PTPRM: variants seen among roughly 807,000 people sequenced by gnomAD.
The protein encoded by PTPRM is receptor-type tyrosine-protein phosphatase mu.
PTPRM carries 47 observed loss-of-function variants against 186.7 expected under a neutral mutation model. That is an observed-to-expected ratio of 0.25 (90% CI 0.20 to 0.32). PTPRM has a LOEUF of 0.32. Ranked by LOEUF, PTPRM falls within the 10% of genes least tolerant of loss-of-function variation. PTPRM has a pLI of 1.00. For synonymous variants in PTPRM, 668 were observed against 674.9 expected, an observed-to-expected ratio of 0.99 and a Z score of 0.16; for missense variants, 1,494 against 1,865.0, an observed-to-expected ratio of 0.80 and a Z score of 3.66.
intron 11 of PTPRM, among the ~76,000 whole-genome samples, chr18:8,113,048 A>G (rs554193547): frequency 6.6e-6 from 1 of 152,346 alleles, no homozygotes; most frequent in East Asian, 1.9e-4. Context: ...TTAAAACTTT[A>G]CTTGTGTTGT....
At chr18:8,198,169 A>G (rs1033823427) in intron 14 of PTPRM, among the ~76,000 whole-genome samples, 12 of 152,186 alleles carry the variant, frequency 7.9e-5, no homozygotes, top group African/African-American at 2.9e-4. Context: ...GTTGTTAGAC[A>G]GGATCTTACT....
chr18:8,171,866 A>G (rs1380073135), intron 14 of PTPRM, among the ~76,000 whole-genome samples: 2 of 152,320 alleles, frequency 1.3e-5, no homozygotes, highest in Non-Finnish European at 2.9e-5. Flanking sequence ...CAGAACACTT[A>G]GGTTAGCCTA....
intron 1 of PTPRM, among the ~76,000 whole-genome samples, chr18:7,612,405 C>T (rs1454046679): frequency 6.6e-6 from 1 of 152,252 alleles, no homozygotes; most frequent in African/African-American, 2.4e-5. Context: ...AGTCTACGTT[C>T]TGGGCATTCC....
At chr18:8,155,168 T>G (rs2093094660) in intron 14 of PTPRM, 1 of 152,222 alleles carries the variant, frequency 6.6e-6, no homozygotes, top group African/African-American at 2.4e-5. Context: ...TTTGTATAAA[T>G]GAAAATACCT....
chr18:7,772,349 C>CTCTTTCTTTCTTTCTT lies in PTPRM; in HGVS notation c.74-1750_74-1735dup, dbSNP rs71935994. ...CGTTCTTTCTTTTCTTTCTTTCTTT[C>CTCTTTCTTTCTTTCTT]TCTTTCTTTCTTTCTTTCTTTCTTT... On this transcript the variant is annotated intron_variant, in intron 1 of 32. Coordinates refer to ENST00000580170, the MANE Select transcript of PTPRM (RefSeq NM_001105244.2). 2.4e-3 allele frequency among the ~76,000 whole-genome samples: 226 copies of CTCTTTCTTTCTTTCTT among 96,068 alleles called. 6 individuals are homozygous for CTCTTTCTTTCTTTCTT. The highest frequency in any genetic ancestry group is 6.1e-3 in the African/African-American group (132 of 21,494). 63.0% of individuals were successfully genotyped at this position (96,068 alleles called of 152,430 possible). A position where few individuals can be genotyped will look rare whatever the true frequency, so the allele number is the denominator to read the frequency against.
intron 22 of PTPRM, among the ~76,000 whole-genome samples, chr18:8,335,646 A>C (rs1420273361): frequency 1.3e-5 from 2 of 152,222 alleles, no homozygotes; most frequent in Non-Finnish European, 1.5e-5. Context: ...ACCAAACCTG[A>C]AAGAAAACTC....
At chr18:7,690,632 A>G (rs757112233) in intron 1 of PTPRM, among the ~76,000 whole-genome samples, 1 of 152,210 alleles carries the variant, frequency 6.6e-6, no homozygotes, top group East Asian at 1.9e-4. Context: ...TGTTTTCAAG[A>G]GAGAAGTTTA....
At chr18:8,158,031 T>C (rs923219149) in intron 14 of PTPRM, among the ~76,000 whole-genome samples, 6 of 152,206 alleles carry the variant, frequency 3.9e-5, no homozygotes, top group African/African-American at 1.4e-4. Flanking sequence ...AGCCCTGAAC[T>C]TGCACCACAT....
chr18:7,574,902 G>A (rs1598438516), intron 1 of PTPRM, among the ~76,000 whole-genome samples: 7 of 152,138 alleles, frequency 4.6e-5, no homozygotes, highest in Admixed American at 4.6e-4. Flanking sequence ...CGTGTTGGTG[G>A]GCGCCTGTAG....
At chr18:8,115,604 T>A (rs1022120069) in intron 13 of PTPRM, among the ~76,000 whole-genome samples, 1 of 152,208 alleles carries the variant, frequency 6.6e-6, no homozygotes, top group East Asian at 1.9e-4. Flanking sequence ...AATACAATCA[T>A]TTAGATCATT....
intron 7 of PTPRM, among the ~76,000 whole-genome samples, chr18:8,032,843 G>GA (rs2086075008): frequency 6.6e-6 from 1 of 151,510 alleles, no homozygotes; most frequent in Non-Finnish European, 1.5e-5. Flanking sequence ...TTATCATTTG[G>GA]AAAAAAAATA....
intron 7 of PTPRM, among the ~76,000 whole-genome samples, chr18:7,957,456 C>T (rs1041470005): frequency 2.2e-4 from 34 of 152,328 alleles, no homozygotes; most frequent in Non-Finnish European, 1.2e-4. Context: ...CTCACCTAAA[C>T]CAGGAAGCCT....
chr18:8,311,350 C>G (rs1006536011), intron 20 of PTPRM, among the ~76,000 whole-genome samples: 7 of 151,948 alleles, frequency 4.6e-5, no homozygotes, highest in African/African-American at 1.7e-4. Context: ...GCACTGTGGA[C>G]CCATTCAAGG....
chr18:7,728,468 C>G (rs1381590097), intron 1 of PTPRM, among the ~76,000 whole-genome samples: 1 of 152,242 alleles, frequency 6.6e-6, no homozygotes, highest in African/African-American at 2.4e-5. Context: ...CTGCATAAGG[C>G]GCAAATTCCT....
intron 1 of PTPRM, among the ~76,000 whole-genome samples, chr18:7,719,298 T>C (rs1353729296): frequency 6.6e-6 from 1 of 150,794 alleles, no homozygotes; most frequent in East Asian, 2.0e-4. Flanking sequence ...GAATGGAAAA[T>C]CAAATACTGT....
At chr18:8,136,793 G>GA (rs11419103) in intron 13 of PTPRM, among the ~76,000 whole-genome samples, 113,002 of 151,974 alleles carry the variant, frequency 0.74, 42,544 homozygotes, top group East Asian at 0.89. Flanking sequence ...GGAACAGCTG[G>GA]AAAAAACTAA....
At chr18:7,911,504 T>A (rs1400445552) in intron 4 of PTPRM, among the ~76,000 whole-genome samples, 1 of 152,250 alleles carries the variant, frequency 6.6e-6, no homozygotes, top group African/African-American at 2.4e-5. Flanking sequence ...TCTTTCCATG[T>A]GCCATTTATA....
At chr18:8,386,285 A>G (rs1471647008) in intron 30 of PTPRM, among the ~76,000 whole-genome samples, 3 of 152,172 alleles carry the variant, frequency 2.0e-5, no homozygotes, top group Non-Finnish European at 2.9e-5. Flanking sequence ...GTGAGCCTGA[A>G]TGAAATCAAA....
intron 19 of PTPRM, among the ~76,000 whole-genome samples, chr18:8,289,156 C>A (rs1005448547): frequency 7.2e-5 from 11 of 152,018 alleles, no homozygotes; most frequent in Non-Finnish European, 1.6e-4. Flanking sequence ...AGGGGAGCCA[C>A]TCAATGTCTT....
Sources: gnomAD v4.1 joint callset for allele counts (sites outside exome capture counted in the v4.1 genomes callset) on GRCh38, gnomAD v4.1.1 for gene constraint, MANE v1.5 for transcripts, NCBI Gene and HGNC (gene_info 2026-07-23, HGNC 2026-07-21) for gene names.